Variants in CTNNA3 observed in about 807,000 individuals in gnomAD.
CTNNA3 encodes catenin alpha-3.
CTNNA3 carries 76 observed loss-of-function variants against 95.7 expected under a neutral mutation model. The ratio of observed to expected loss-of-function variants is 0.79; its 90% CI spans 0.66 to 0.96. CTNNA3 has a LOEUF of 0.96. Ranked by LOEUF, CTNNA3 falls within the 40% of genes least tolerant of loss-of-function variation. CTNNA3 has a pLI of 0.00. For synonymous variants in CTNNA3, 431 were observed against 374.4 expected (o/e 1.15, Z -1.74); for missense variants, 1,191 against 1,089.8 (o/e 1.09, Z -1.31).
chr10:66,453,665 C>A (rs976730125), intron 11 of CTNNA3, among the ~76,000 whole-genome samples: 7 of 152,148 alleles, frequency 4.6e-5, no homozygotes, highest in Non-Finnish European at 8.8e-5. Flanking sequence ...TAACATTGGA[C>A]ACATTGGAAT....
At chr10:66,721,734 T>C (rs1564639428) in intron 9 of CTNNA3, among the ~76,000 whole-genome samples, 1 of 152,208 alleles carries the variant, frequency 6.6e-6, no homozygotes, top group Non-Finnish European at 1.5e-5. Flanking sequence ...GAGAGGGCTC[T>C]TCATCGCTAC....
intron 9 of CTNNA3, among the ~76,000 whole-genome samples, chr10:66,690,922 A>T (rs1847503364): frequency 6.6e-6 from 1 of 152,192 alleles, no homozygotes; most frequent in African/African-American, 2.4e-5. Context: ...TGGTTGAACT[A>T]GTTTGCAGTC....
At chr10:66,145,119 G>T (rs2083814600) in intron 13 of CTNNA3, among the ~76,000 whole-genome samples, 1 of 151,940 alleles carries the variant, frequency 6.6e-6, no homozygotes, top group Admixed American at 6.6e-5. Context: ...ATTCATAAAG[G>T]AGACCCTACA....
intron 6 of CTNNA3, among the ~76,000 whole-genome samples, chr10:67,188,628 A>C (rs1268385714): frequency 2.6e-5 from 4 of 152,190 alleles, no homozygotes; most frequent in African/African-American, 9.6e-5. Flanking sequence ...TATAATCAGC[A>C]ATCCCACTAC....
intron 10 of CTNNA3, among the ~76,000 whole-genome samples, chr10:66,552,162 C>G (rs767803134): frequency 1.4e-4 from 21 of 152,056 alleles, no homozygotes; most frequent in Non-Finnish European, 2.9e-4. Flanking sequence ...CTTGGCCTCC[C>G]AAGGTGCTGG....
At chr10:66,899,343 C>G (rs74624193) in intron 7 of CTNNA3, among the ~76,000 whole-genome samples, 11,392 of 152,276 alleles carry the variant, frequency 0.075, 591 homozygotes, top group Middle Eastern at 0.14. Context: ...CATGACCAAG[C>G]AATCCCACTT....
chr10:66,105,038 A>C (rs771762796), intron 13 of CTNNA3, among the ~76,000 whole-genome samples: 2 of 152,188 alleles, frequency 1.3e-5, no homozygotes, highest in Non-Finnish European at 2.9e-5. Flanking sequence ...TGCACTGAGC[A>C]ATACCCATCC....
intron 1 of CTNNA3, among the ~76,000 whole-genome samples, chr10:67,719,613 A>T (rs566802632): frequency 6.6e-6 from 1 of 152,232 alleles, no homozygotes; most frequent in South Asian, 2.1e-4. Context: ...AGCGGTTTTG[A>T]GTGAGTTTCT....
At chr10:66,223,669 T>C (rs2131987258) in intron 13 of CTNNA3, among the ~76,000 whole-genome samples, 2 of 152,352 alleles carry the variant, frequency 1.3e-5, no homozygotes, top group Non-Finnish European at 2.9e-5. Flanking sequence ...CTGTCAATTA[T>C]TGGCTTGGTA....
rs1866598559 is a variant in CTNNA3 at position 67,261,358 on chromosome 10, G to C, written c.580-41488C>G. Among the ~76,000 whole-genome samples, 3 of 152,082 alleles carry C rather than the reference G, an allele frequency of 2.0e-5. No individual in the cohort carries two copies. In the South Asian group the frequency reaches 6.2e-4, roughly 32 times the overall value. ...TTTAACTGAGTTCAAGGAGTTAAAA[G>C]GTCTTAAAATTAACCATGAAATGTG... On this transcript the variant is annotated intron_variant, in intron 5 of 17. Transcript: ENST00000433211.
At chr10:67,470,642 A>AAC (rs10695283) in intron 5 of CTNNA3, among the ~76,000 whole-genome samples, 11,360 of 148,582 alleles carry the variant, frequency 0.076, 1,087 homozygotes, top group African/African-American at 0.23. Flanking sequence ...GCAAGTTTGC[A>AAC]ACACACACAC....
intron 5 of CTNNA3, among the ~76,000 whole-genome samples, chr10:67,288,514 A>AT (rs1228317788): frequency 4.6e-5 from 7 of 152,264 alleles, no homozygotes; most frequent in Admixed American, 2.0e-4. Context: ...TTATCTGTGC[A>AT]TTTTTTCTCT....
At chr10:67,370,915 G>A (rs896594062) in intron 5 of CTNNA3, among the ~76,000 whole-genome samples, 1 of 145,372 alleles carries the variant, frequency 6.9e-6, no homozygotes, top group East Asian at 2.0e-4. Context: ...CGCCCAGGCT[G>A]GAGTGCAGTG....
intron 9 of CTNNA3, among the ~76,000 whole-genome samples, chr10:66,679,047 G>A (rs1313608762): frequency 1.3e-5 from 2 of 152,056 alleles, no homozygotes; most frequent in African/African-American, 2.4e-5. Flanking sequence ...GGTGTAATAT[G>A]GTCAATGTTT....
At chr10:66,341,411 T>A (rs182958830) in intron 12 of CTNNA3, among the ~76,000 whole-genome samples, 1 of 151,982 alleles carries the variant, frequency 6.6e-6, no homozygotes, top group East Asian at 1.9e-4. Context: ...CTAAGCTCAT[T>A]TCAAATTATA....
At chr10:66,097,055 C>G (rs528792265) in intron 14 of CTNNA3, among the ~76,000 whole-genome samples, 1 of 152,264 alleles carries the variant, frequency 6.6e-6, no homozygotes, top group Non-Finnish European at 1.5e-5. Context: ...TATTTCAGTT[C>G]TAGCTTACTT....
chr10:67,200,091 G>A (rs910026810), intron 6 of CTNNA3, among the ~76,000 whole-genome samples: 2 of 152,192 alleles, frequency 1.3e-5, no homozygotes, highest in Admixed American at 6.5e-5. Context: ...ACAAGCAGGG[G>A]CACATATCAC....
chr10:66,472,837 G>A (rs1466194973), intron 11 of CTNNA3, among the ~76,000 whole-genome samples: 1 of 151,818 alleles, frequency 6.6e-6, no homozygotes, highest in Non-Finnish European at 1.5e-5. Context: ...ATATAGTGTG[G>A]TAGTAACTCA....
intron 1 of CTNNA3, among the ~76,000 whole-genome samples, chr10:67,692,603 G>A (rs1840888022): frequency 7.4e-6 from 1 of 134,706 alleles, no homozygotes; most frequent in Admixed American, 7.4e-5. Context: ...CAAACACTGC[G>A]GAAGGCCGCA....
Sources: gnomAD v4.1 joint callset for allele counts (sites outside exome capture counted in the v4.1 genomes callset) on GRCh38, gnomAD v4.1.1 for gene constraint, MANE v1.5 for transcripts, NCBI Gene and HGNC (gene_info 2026-07-23, HGNC 2026-07-21) for gene names.